Variants in ARHGAP28 observed in about 807,000 individuals in gnomAD.
ARHGAP28 encodes rho GTPase-activating protein 28.
ARHGAP28 carries 56 observed loss-of-function variants against 90.7 expected under a neutral mutation model. The observed-to-expected ratio is 0.62, with a 90% confidence interval of 0.50 to 0.77. The LOEUF (loss-of-function observed/expected upper bound fraction) is 0.77, where lower values mean the gene tolerates loss of function less well. Among genes scored for constraint, ARHGAP28 ranks in the 30% least tolerant of loss-of-function variants. ARHGAP28 has a pLI of 0.00. For missense variants in ARHGAP28, 869 were observed against 900.9 expected, an observed-to-expected ratio of 0.96 and a Z score of 0.45; for synonymous variants, 308 against 323.3, an observed-to-expected ratio of 0.95 and a Z score of 0.51.
chr18:6,797,472 T>G (rs2056449388), intron 1 of ARHGAP28, among the ~76,000 whole-genome samples: 1 of 152,168 alleles, frequency 6.6e-6, no homozygotes, highest in Non-Finnish European at 1.5e-5. Context: ...TGGATCTTCA[T>G]GAAACTGTAT....
At chr18:6,749,307 ACT>A (rs1355196046) in intron 1 of ARHGAP28, among the ~76,000 whole-genome samples, 1 of 152,086 alleles carries the variant, frequency 6.6e-6, no homozygotes, top group Non-Finnish European at 1.5e-5. Flanking sequence ...GCCAGATATT[ACT>A]CTCTCTCCTA....
At chr18:6,828,337 C>T (rs556020382) in intron 2 of ARHGAP28, among the ~76,000 whole-genome samples, 8 of 151,668 alleles carry the variant, frequency 5.3e-5, no homozygotes, top group African/African-American at 7.3e-5. Context: ...AGAGGGAGAC[C>T]GTGGAAAGAG....
rs986502343 is a variant in ARHGAP28, at chr18:6,888,887, A to G, written c.1537-1001A>G. On this transcript the variant is annotated intron_variant, in intron 12 of 17. Transcript: ENST00000383472. ...TTGCAGCTGGTGTGGGTTAGAGGTC[A>G]AGAACTCTAGCTGAAGAATTGGTTC... Among the ~76,000 whole-genome samples, 19 of 152,312 alleles carry G rather than the reference A, an allele frequency of 1.2e-4. No individual in the cohort carries two copies. The Middle Eastern group carries it at 0.024, about 191-fold the overall frequency.
chr18:6,910,946 G>T (rs567869361), intron 17 of ARHGAP28, among the ~76,000 whole-genome samples: 2 of 151,750 alleles, frequency 1.3e-5, no homozygotes, highest in African/African-American at 2.4e-5. Context: ...CCGGGTTCAC[G>T]CCATTCTCCT....
At chr18:6,901,791 T>C (rs1044398880) in intron 16 of ARHGAP28, among the ~76,000 whole-genome samples, 5 of 152,068 alleles carry the variant, frequency 3.3e-5, no homozygotes, top group African/African-American at 1.2e-4. Flanking sequence ...TTACCACAAA[T>C]TGGGTAGCTT....
At chr18:6,733,328 A>C (rs770032233) in intron 1 of ARHGAP28, among the ~76,000 whole-genome samples, 35 of 151,978 alleles carry the variant, frequency 2.3e-4, no homozygotes, top group Non-Finnish European at 4.3e-4. Flanking sequence ...TTGCTCTTTA[A>C]ATTTGCATGG....
intron 1 of ARHGAP28, among the ~76,000 whole-genome samples, chr18:6,768,581 T>G (rs2056218153): frequency 6.6e-6 from 1 of 152,082 alleles, no homozygotes; most frequent in Non-Finnish European, 1.5e-5. Context: ...TGGAAGATCC[T>G]TTTCTGGGGG....
At chr18:6,851,947 G>A (rs1157438263) in intron 4 of ARHGAP28, among the ~76,000 whole-genome samples, 3 of 152,024 alleles carry the variant, frequency 2.0e-5, no homozygotes, top group Non-Finnish European at 1.5e-5. Context: ...ATTTTGGGGG[G>A]TGCTTGTTTT....
intron 1 of ARHGAP28, chr18:6,754,866 C>G (rs1024759921): frequency 6.6e-6 from 1 of 152,052 alleles, no homozygotes; most frequent in Admixed American, 6.6e-5. Context: ...AGTAAATTGG[C>G]GGGGAGTAGT....
In ARHGAP28 at chr18:6,915,328, G is replaced by A. The variant is rs928153252; in HGVS notation, c.*3174G>A. ...AGTTAAAATGTCCCTTCTTCCTAGC[G>A]AGCATATTTCAACTGTTCTTCATAA... On this transcript the variant is annotated 3_prime_UTR_variant, in exon 18 of 18. Coordinates refer to ENST00000383472, the MANE Select transcript of ARHGAP28 (RefSeq NM_001366230.1). The A allele has an allele frequency of 6.6e-6, 1 of 152,104 alleles. No homozygotes were observed. Among genetic ancestry groups the A allele is most frequent in the African/African-American group, 2.4e-5 (1 of 41,426 alleles). 9.4% of individuals were successfully genotyped at this position (152,104 alleles called of 1,614,324 possible).
intron 14 of ARHGAP28, among the ~76,000 whole-genome samples, chr18:6,892,634 C>T (rs1242797635): frequency 6.6e-6 from 1 of 152,184 alleles, no homozygotes; most frequent in East Asian, 1.9e-4. Flanking sequence ...TCTTCTCCCT[C>T]CTCAGGGTTT....
chr18:6,782,592 ATTTTTTTTTTT>A (rs10602816), intron 1 of ARHGAP28, among the ~76,000 whole-genome samples: 193 of 26,672 alleles, frequency 7.2e-3, no homozygotes, highest in African/African-American at 0.018. Context: ...TAATTTTTGT[ATTTTTTTTTTT>A]TTTTTTTTTT....
intron 1 of ARHGAP28, among the ~76,000 whole-genome samples, chr18:6,787,941 T>C (rs2056378297): frequency 6.6e-6 from 1 of 152,222 alleles, no homozygotes; most frequent in Non-Finnish European, 1.5e-5. Flanking sequence ...TAGTTCTGCT[T>C]TGTTCCATGT....
chr18:6,851,201 A>C lies in ARHGAP28; in HGVS notation c.636+75A>C, dbSNP rs949583502. The C allele has an allele frequency of 1.2e-5, 16 of 1,291,546 alleles. No individual in the cohort carries two copies. The African/African-American group carries it at 2.2e-4, about 18-fold the overall frequency. 80.0% of individuals were successfully genotyped at this position (1,291,546 alleles called of 1,614,324 possible). ...CTTCAAGATGGTTGAGCAAAACTTG[A>C]AAAAAGTGCAACATAATTAAGATGG... On this transcript the variant is annotated intron_variant, in intron 4 of 17. Coordinates refer to ENST00000383472, the MANE Select transcript of ARHGAP28 (RefSeq NM_001366230.1).
intron 3 of ARHGAP28, among the ~76,000 whole-genome samples, chr18:6,842,450 A>G (rs913969904): frequency 4.6e-5 from 7 of 152,186 alleles, no homozygotes; most frequent in African/African-American, 2.4e-5. Context: ...CATTATAGCT[A>G]GCATCTGTTG....
chr18:6,831,596 C>G (rs1391616533), intron 2 of ARHGAP28, among the ~76,000 whole-genome samples: 1 of 148,010 alleles, frequency 6.8e-6, no homozygotes, highest in Non-Finnish European at 1.5e-5. Flanking sequence ...ATGTTATATA[C>G]TATTAGCTTC....
chr18:6,859,839 T>G lies in ARHGAP28; in HGVS notation c.668T>G (p.Leu223Arg). The G allele has an allele frequency of 3.1e-6, 5 of 1,614,242 alleles. No individual in the cohort carries two copies. The highest frequency in any genetic ancestry group is 4.2e-6 in the Non-Finnish European group (5 of 1,180,030). The change falls in exon 5 of 18, where the codon CTG becomes CGG. Residue 223 changes from leucine (L) to arginine (R), a missense_variant. By Grantham distance (102) the Leu-to-Arg change is moderately radical. Transcript: ENST00000383472. ...PDDASLNSTT[L>R]SDASQDKEGS... Reference sequence around the variant, plus strand: ...GATGCTTCTCTCAACAGTACTACCCTGTCTGACGCATCCCAGGATAAAGAA... The same window carrying G: ...GATGCTTCTCTCAACAGTACTACCCGGTCTGACGCATCCCAGGATAAAGAA...
At chr18:6,831,471 G>GTTTTTTTTTTTTTTTTTTTTTTTTTTTTA (rs57331018) in intron 2 of ARHGAP28, among the ~76,000 whole-genome samples, 1 of 109,306 alleles carries the variant, frequency 9.1e-6, no homozygotes, top group Non-Finnish European at 1.8e-5. Context: ...GTATCTTGAT[G>GTTTTTTTTTTTTTTTTTTTTTTTTTTTTA]TTTTTTTTTT....
At chr18:6,891,170 T>A (rs1282424818) in intron 14 of ARHGAP28, among the ~76,000 whole-genome samples, 2 of 152,156 alleles carry the variant, frequency 1.3e-5, no homozygotes, top group African/African-American at 4.8e-5. Context: ...TTACACCTAA[T>A]GTGGGAGACA....
Sources: gnomAD v4.1 joint callset for allele counts (sites outside exome capture counted in the v4.1 genomes callset) on GRCh38, gnomAD v4.1.1 for gene constraint, MANE v1.5 for transcripts, NCBI Gene and HGNC (gene_info 2026-07-23, HGNC 2026-07-21) for gene names.